KLHL33: variants seen among roughly 807,000 people sequenced by gnomAD.
KLHL33 encodes kelch-like protein 33.
In KLHL33, 46 loss-of-function variants were observed where a neutral mutation model predicts 60.8. The observed-to-expected ratio is 0.76, with a 90% CI of 0.60 to 0.97. The LOEUF is 0.97. Ranked by LOEUF, KLHL33 falls within the 50% of genes least tolerant of loss-of-function variation. The probability of loss-of-function intolerance (pLI) is 0.00; values close to 1 mark genes in which losing one functional copy is unlikely to be tolerated. For synonymous variants in KLHL33, 434 were observed against 432.2 expected (o/e 1.00, Z -0.05); for missense variants, 1,055 against 1,000.0 (o/e 1.05, Z -0.74).
chr14:20,425,916 G>C lies in KLHL33; in HGVS notation c.*2933C>G, dbSNP rs963472951. The C allele has an allele frequency of 6.6e-5, 10 of 152,230 alleles. No individual in the cohort carries two copies. The highest frequency in any genetic ancestry group is 1.9e-4 in the African/African-American group (8 of 41,534). 9.4% of individuals were successfully genotyped at this position (152,230 alleles called of 1,614,324 possible). ...GTACAAATCACAAAAAATGTTCATA[G>C]AAGTTCATCCAGAGAGCTTGTCATC... is the stretch of plus-strand genomic sequence containing the variant. On this transcript the variant is annotated 3_prime_UTR_variant, in exon 5 of 5. Coordinates refer to ENST00000636854, the MANE Select transcript of KLHL33 (RefSeq NM_001365790.2).
At chr14:20,434,533 G>T (rs1880620072) in intron 2 of KLHL33, among the ~76,000 whole-genome samples, 2 of 128,226 alleles carry the variant, frequency 1.6e-5, no homozygotes, top group African/African-American at 6.2e-5. Flanking sequence ...AGAGTGAGAT[G>T]CTGTCTCAGA....
rs140459635 is a variant in KLHL33 at position 20,434,660 on chromosome 14, T to C, written c.748+404A>G. Among the ~76,000 whole-genome samples, 76 of 152,230 alleles carry C rather than the reference T, an allele frequency of 5.0e-4. No homozygotes were observed. In the East Asian group the frequency reaches 0.013, roughly 25 times the overall value. On this transcript the variant is annotated intron_variant, in intron 2 of 4. Transcript: ENST00000636854. ...AAGCACACCAAGGTGAAAGCACACA[T>C]TGAGTTTTCCACCATGTTCCCCTGG... is the stretch of plus-strand genomic sequence containing the variant.
At position 20,426,404 on chromosome 14, in the gene KLHL33, A is replaced by C. The variant is rs1462284156; in HGVS notation, c.*2445T>G. The C allele has an allele frequency of 1.3e-5, 2 of 151,548 alleles. No individual in the cohort carries two copies. The highest frequency in any genetic ancestry group is 2.9e-5 in the Non-Finnish European group (2 of 67,958). The allele number at this position is 151,548 out of a possible 1,614,324, so 9.4% of individuals were successfully genotyped here. ...AGCAACTCAGGGAGGCTGAGGCAGG[A>C]GAATCACTTGAACTCAGGAGGAAGA... On this transcript the variant is annotated 3_prime_UTR_variant, in exon 5 of 5. Transcript: ENST00000636854.
At chr14:20,433,124 T>C (rs1405488330) in intron 2 of KLHL33, among the ~76,000 whole-genome samples, 1 of 152,176 alleles carries the variant, frequency 6.6e-6, no homozygotes, top group Admixed American at 6.5e-5. Flanking sequence ...ACCCAAATAC[T>C]TATGAGTAAA....
Position 20,430,713 on chromosome 14 carries a change from C to T in KLHL33, c.755G>A (p.Arg252Gln), listed in dbSNP as rs894145150. The T allele has an allele frequency of 2.1e-5, 32 of 1,513,432 alleles. No homozygotes were observed. Among genetic ancestry groups the T allele is most frequent in the African/African-American group, 2.8e-5 (2 of 72,494 alleles). The allele number at this position is 1,513,432 out of a possible 1,614,324, so 93.8% of individuals were successfully genotyped here. A position where few individuals can be genotyped will look rare whatever the true frequency, so the allele number is the denominator to read the frequency against. Reference protein sequence around the residue: ...EAGGCQLSVHRAALACGSEFF... With the variant: ...EAGGCQLSVHQAALACGSEFF... ...CTCACTGCCACAGGCCAGGGCGGCT[C>T]GGTGCACTGCAGGAGGGGAGAAGGA... Residue 252 changes from arginine (R) to glutamine (Q), a missense_variant, in exon 3 of 5, where the codon CGA becomes CAA. Arg to Gln is a conservative substitution (Grantham distance 43). Coordinates refer to ENST00000636854, the MANE Select transcript of KLHL33 (RefSeq NM_001365790.2).
Position 20,430,076 on chromosome 14 carries a change from G to T in KLHL33, c.1392C>A (p.Gly464=), listed in dbSNP as rs985065098. Residue 464 remains glycine (G), a synonymous_variant, in exon 3 of 5, where the codon GGC becomes GGA. Coordinates refer to ENST00000636854, the MANE Select transcript of KLHL33 (RefSeq NM_001365790.2). Reference sequence around the variant, plus strand: ...GGTCAGGCTCCCTCCGTCTCTCTTGGCCTGGAACATCAGCCTCTACCATCA... The same window carrying T: ...GGTCAGGCTCCCTCCGTCTCTCTTGTCCTGGAACATCAGCCTCTACCATCA... The part of the protein sequence containing the change: ...HQLMVEADVP[G]QERRREPDRA... 4.5e-6 allele frequency: 7 copies of T among 1,551,638 alleles called. No individual in the cohort carries two copies. In the African/African-American group the frequency reaches 9.6e-5, roughly 21 times the overall value.
rs143923069 is a variant in KLHL33 at position 20,426,689 on chromosome 14, C to G, written c.*2160G>C. On this transcript the variant is annotated 3_prime_UTR_variant, in exon 5 of 5. Transcript: ENST00000636854. Reference sequence around the variant, plus strand: ...CAGCCATCCCATTACTGGGTATATGCCCAAAGGAATATAAATCATGCCGCT... The same window carrying G: ...CAGCCATCCCATTACTGGGTATATGGCCAAAGGAATATAAATCATGCCGCT... The G allele has an allele frequency of 6.6e-6, 1 of 151,928 alleles. No homozygotes were observed. Among genetic ancestry groups the G allele is most frequent in the African/African-American group, 2.4e-5 (1 of 41,318 alleles). The allele number at this position is 151,928 out of a possible 1,614,324, so 9.4% of individuals were successfully genotyped here.
rs1566498999 is a variant in KLHL33 at position 20,429,336 on chromosome 14, T to A, written c.1907A>T (p.Tyr636Phe). The A allele has an allele frequency of 1.3e-6, 2 of 1,551,716 alleles. No homozygotes were observed. The highest frequency in any genetic ancestry group is 2.4e-5 in the South Asian group (2 of 84,060). ...HAAAILEGQL[Y>F]VSGGCGGTGQ... ...AGTCCCACCACAGCCACCGCTCACGTACAACTGGCCCTCCAAAATCGCAGC... is the reference window on the plus strand; with the variant it reads ...AGTCCCACCACAGCCACCGCTCACGAACAACTGGCCCTCCAAAATCGCAGC... Residue 636 changes from tyrosine (Y) to phenylalanine (F), a missense_variant, in exon 5 of 5, where the codon TAC (tyrosine) becomes TTC (phenylalanine). Tyr to Phe is a conservative substitution (Grantham distance 22). Coordinates refer to ENST00000636854, the MANE Select transcript of KLHL33 (RefSeq NM_001365790.2).
At chr14:20,433,439 A>G (rs979547329) in intron 2 of KLHL33, among the ~76,000 whole-genome samples, 1 of 152,230 alleles carries the variant, frequency 6.6e-6, no homozygotes, top group Non-Finnish European at 1.5e-5. Context: ...TTTAAGCAGT[A>G]GGTAGTGGCC....
chr14:20,430,855 G>C, intron 2 of KLHL33, 136 bp from the exon 3 acceptor site: 1 of 610,006 alleles, frequency 1.6e-6, no homozygotes, highest in Non-Finnish European at 2.9e-6. Context: ...AGACCAAACT[G>C]TGGTGTGCAT....
At chr14:20,435,859 G>A (rs1880679491) in intron 1 of KLHL33, 29 bp from the exon 2 acceptor site, 1 of 1,232,330 alleles carries the variant, frequency 8.1e-7, no homozygotes, top group Non-Finnish European at 1.0e-6. Flanking sequence ...AAGACAGCCT[G>A]GCGTCAGAGC....
chr14:20,431,262 C>T (rs545741774), intron 2 of KLHL33, among the ~76,000 whole-genome samples: 182 of 152,320 alleles, frequency 1.2e-3, no homozygotes, highest in Middle Eastern at 3.4e-3. Context: ...TGGCTGTAAT[C>T]CAACCTCATC....
chr14:20,429,827 G>C lies in KLHL33; in HGVS notation c.1641C>G (p.Tyr547Ter). The change falls in exon 3 of 5, where the codon TAC becomes TAG. Residue 547 changes from tyrosine (Y) to a stop codon, truncating the protein, a stop_gained. Coordinates refer to ENST00000636854, the MANE Select transcript of KLHL33 (RefSeq NM_001365790.2). LOFTEE classifies it high-confidence loss of function. ...ELYVCGGQDF[Y>*]SHSNTLASTL... is the part of the protein sequence containing the mutation. ...TTGAAGCCAGGGTGTTGGAGTGACT[G>C]TAGAAATCTTGTCCCCCACACACAT... 1 of 1,547,326 alleles carries C rather than the reference G, an allele frequency of 6.5e-7. No individual in the cohort carries two copies.
Position 20,433,038 on chromosome 14 carries a change from A to C in KLHL33, c.748+2026T>G, listed in dbSNP as rs192647730. Among the ~76,000 whole-genome samples, 684 of 152,314 alleles carry C rather than the reference A, an allele frequency of 4.5e-3. 9 individuals are homozygous for C. Among genetic ancestry groups the C allele is most frequent in the African/African-American group, 0.015 (628 of 41,570 alleles). ...GCATGATAAAGGTATTATGGTTATG[A>C]GAAAATGTCCTCTTTGTTTTATTTT... is the stretch of plus-strand genomic sequence containing the variant. On this transcript the variant is annotated intron_variant, in intron 2 of 4. Transcript: ENST00000636854.
intron 2 of KLHL33, among the ~76,000 whole-genome samples, chr14:20,432,926 AAAAGAAAGAAAGAAAGAAAGAAAG>A (rs59220485): frequency 4.8e-5 from 5 of 104,672 alleles, no homozygotes; most frequent in African/African-American, 1.5e-4. Context: ...CATCTCAAAA[AAAAGAAAGAAAGAAAGAAAGAAAG>A]AAAGAAAGAA....
rs2139259664 is a variant in KLHL33 at position 20,427,178 on chromosome 14, T to C, written c.*1671A>G. The C allele has an allele frequency of 6.9e-6, 1 of 144,300 alleles. No homozygotes were observed. Among genetic ancestry groups the C allele is most frequent in the African/African-American group, 2.6e-5 (1 of 38,876 alleles). 8.9% of individuals were successfully genotyped at this position (144,300 alleles called of 1,614,324 possible). A position where few individuals can be genotyped will look rare whatever the true frequency, so the allele number is the denominator to read the frequency against. ...GGCACATGTACCCTAAAACTTAAAG[T>C]ATAATAATAATAAAATAAAATAAAT... On this transcript the variant is annotated 3_prime_UTR_variant, in exon 5 of 5. Transcript: ENST00000636854.
In KLHL33 at chr14:20,435,942, C is replaced by T. The variant is rs117776608; in HGVS notation, c.-19-112G>A. ...TCAGTCTCTCCCCTGCTCCAACACC[C>T]TCCTCCTACCCTCAGCCACATCCCA... On this transcript the variant is annotated intron_variant, in intron 1 of 4. Transcript: ENST00000636854. 124 of 700,092 alleles carry T rather than the reference C, an allele frequency of 1.8e-4. 1 individual carries two copies. The East Asian group carries it at 4.2e-3, about 24-fold the overall frequency. 43.4% of individuals were successfully genotyped at this position (700,092 alleles called of 1,614,324 possible).
intron 2 of KLHL33, among the ~76,000 whole-genome samples, chr14:20,432,387 A>G (rs1880534859): frequency 6.6e-6 from 1 of 152,034 alleles, no homozygotes; most frequent in African/African-American, 2.4e-5. Flanking sequence ...TGTTGGGATT[A>G]CAGGCGTGAG....
intron 2 of KLHL33, among the ~76,000 whole-genome samples, chr14:20,431,633 A>G (rs1190105266): frequency 6.6e-6 from 1 of 152,228 alleles, no homozygotes; most frequent in East Asian, 1.9e-4. Context: ...AGACTGAGGC[A>G]GGAGAATAGC....
Sources: allele counts gnomAD v4.1 joint callset (sites outside exome capture counted in the v4.1 genomes callset), GRCh38; gene constraint gnomAD v4.1.1; transcripts MANE v1.5; gene names NCBI Gene and HGNC (gene_info 2026-07-23, HGNC 2026-07-21).